TULP4: variants seen among roughly 807,000 people sequenced by gnomAD.
TULP4 encodes tubby-related protein 4.
TULP4 carries 16 observed loss-of-function variants against 129.0 expected under a neutral mutation model. That is an observed-to-expected ratio of 0.12 (90% CI 0.08 to 0.19). TULP4 has a LOEUF of 0.19. TULP4 is among the 10% of genes least tolerant of loss of function. The pLI is 1.00. For missense variants in TULP4, 1,842 were observed against 2,059.1 expected, an observed-to-expected ratio of 0.89 and a Z score of 2.04; for synonymous variants, 998 against 854.0, an observed-to-expected ratio of 1.17 and a Z score of -2.94.
intron 2 of TULP4, among the ~76,000 whole-genome samples, chr6:158,414,560 A>G (rs1778165525): frequency 6.6e-6 from 1 of 152,242 alleles, no homozygotes; most frequent in Admixed American, 6.5e-5. Flanking sequence ...CAGTAGCCAT[A>G]GGTCATCACC....
At chr6:158,416,705 C>T (rs375842041) in intron 2 of TULP4, among the ~76,000 whole-genome samples, 1 of 152,166 alleles carries the variant, frequency 6.6e-6, no homozygotes. Context: ...ATAAAGTCTA[C>T]AGTAGCTACA....
rs75906569 is a variant in TULP4, at chr6:158,257,809, A to T, written n.68+25506A>T. Among the ~76,000 whole-genome samples, 26 of 152,344 alleles carry T rather than the reference A, an allele frequency of 1.7e-4. No homozygotes were observed. In the East Asian group the frequency reaches 4.8e-3, roughly 28 times the overall value. On this transcript the variant is annotated intron_variant and non_coding_transcript_variant, in intron 1 of 1. Transcript: ENST00000620026. ...ATTATACTCTCAAAGCAGCGGTACG[A>T]AATAGAGAACAACTCATTTCCCCTT...
chr6:158,282,035 CT>C (rs1430322418), upstream of TULP4, among the ~76,000 whole-genome samples: 2 of 152,160 alleles, frequency 1.3e-5, no homozygotes, highest in Admixed American at 1.3e-4. Flanking sequence ...AACATTTTTG[CT>C]GTCTTCTTTT....
upstream of TULP4, among the ~76,000 whole-genome samples, chr6:158,308,941 A>T (rs867114893): frequency 2.8e-5 from 1 of 35,864 alleles, no homozygotes; most frequent in African/African-American, 1.1e-4. Context: ...GGGCTGACCC[A>T]CCCACCTCCC....
rs10455823 is a variant in TULP4 at position 158,508,591 on chromosome 6, A to G, written c.*1897A>G. 4,401 of 152,742 alleles carry G rather than the reference A, an allele frequency of 0.029. 102 individuals carry two copies. Among genetic ancestry groups the G allele is most frequent in the Non-Finnish European group, 0.043 (2,949 of 68,026 alleles). The allele number at this position is 152,742 out of a possible 1,614,324, so 9.5% of individuals were successfully genotyped here. ...GAAAGAATTCAGCAATGTTATCAGA[A>G]TTAATTCTTTTATATGAGTTTATGT... On this transcript the variant is annotated 3_prime_UTR_variant, in exon 14 of 14. Transcript: ENST00000367097.
At chr6:158,454,216 T>C (rs1293622268) in intron 5 of TULP4, among the ~76,000 whole-genome samples, 3 of 152,158 alleles carry the variant, frequency 2.0e-5, no homozygotes, top group Non-Finnish European at 4.4e-5. Context: ...AGGAGTTGAG[T>C]ACATATTTTT....
intron 9 of TULP4, among the ~76,000 whole-genome samples, chr6:158,490,411 T>A (rs534833246): frequency 3.9e-5 from 6 of 152,182 alleles, no homozygotes; most frequent in East Asian, 3.9e-4. Flanking sequence ...AAATAAATAA[T>A]AAATAAATGC....
chr6:158,276,535 G>T (rs1778649774), intron 1 of TULP4, among the ~76,000 whole-genome samples: 1 of 151,330 alleles, frequency 6.6e-6, no homozygotes, highest in African/African-American at 2.4e-5. Context: ...TTCTTCTAAA[G>T]CAACAAAAAC....
At chr6:158,378,115 G>A (rs1475493045) in intron 1 of TULP4, among the ~76,000 whole-genome samples, 1 of 152,170 alleles carries the variant, frequency 6.6e-6, no homozygotes, top group African/African-American at 2.4e-5. Context: ...ACACGGTTCT[G>A]AGACAGAAGA....
intron 1 of TULP4, among the ~76,000 whole-genome samples, chr6:158,274,325 C>G (rs912070908): frequency 2.0e-5 from 3 of 152,132 alleles, no homozygotes; most frequent in African/African-American, 7.2e-5. Flanking sequence ...CCCAGCTGCT[C>G]TCTTGTCCCT....
At position 158,332,169 on chromosome 6, in the gene TULP4, CAAAAAAAAAAAAAAA is replaced by C. The variant is rs1169601263; in HGVS notation, c.252+17919_252+17933del. 6.0e-3 allele frequency among the ~76,000 whole-genome samples: 389 copies of C among 65,252 alleles called. 1 individual carries two copies. The highest frequency in any genetic ancestry group is 0.028 in the African/African-American group (323 of 11,420). The allele number at this position is 65,252 out of a possible 152,430, so 42.8% of individuals were successfully genotyped here. On this transcript the variant is annotated intron_variant, in intron 1 of 13. Transcript: ENST00000367097. ...CCTGGTCGACAGAGTAAGACTCTGT[CAAAAAAAAAAAAAAA>C]AAAAAAAAAAAAAAAAATATATATA...
chr6:158,480,960 C>T (rs1392993119), intron 7 of TULP4, 95 bp from the exon 8 acceptor site: 8 of 1,097,904 alleles, frequency 7.3e-6, no homozygotes, highest in South Asian at 3.0e-5. Context: ...GGAACAGTAG[C>T]GTTTTTAGTT....
intron 11 of TULP4, 119 bp downstream of exon 11, chr6:158,494,965 T>C: frequency 2.7e-6 from 2 of 739,696 alleles, no homozygotes; most frequent in Non-Finnish European, 2.2e-6. Context: ...GATTAGCATG[T>C]ATTTTACCTC....
At chr6:158,351,647 G>A (rs1330548268) in intron 1 of TULP4, among the ~76,000 whole-genome samples, 1 of 146,026 alleles carries the variant, frequency 6.8e-6, no homozygotes, top group Non-Finnish European at 1.5e-5. Context: ...TGTCTATATT[G>A]ACAAAGCTGA....
At chr6:158,348,930 TCCTCACCTC>T (rs1780393753) in intron 1 of TULP4, among the ~76,000 whole-genome samples, 1 of 116,994 alleles carries the variant, frequency 8.5e-6, no homozygotes, top group Non-Finnish European at 1.7e-5. Context: ...GCAGAGGCAC[TCCTCACCTC>T]CCAGATGAAG....
At position 158,313,883 on chromosome 6, in the gene TULP4, A is replaced by G. The variant is rs34768693; in HGVS notation, c.-134A>G. The G allele has an allele frequency of 0.13, 124,094 of 923,922 alleles. 9,306 individuals are homozygous for G. Among genetic ancestry groups the G allele is most frequent in the African/African-American group, 0.25 (14,913 of 59,978 alleles). 57.2% of individuals were successfully genotyped at this position (923,922 alleles called of 1,614,324 possible). Reference sequence around the variant, plus strand: ...AAATACTGACCTTCTAATTAGATTCAGGTCAGTCTTAATTAAAGGGGGAAA... The same window carrying G: ...AAATACTGACCTTCTAATTAGATTCGGGTCAGTCTTAATTAAAGGGGGAAA... On this transcript the variant is annotated 5_prime_UTR_variant, in exon 1 of 14. Coordinates refer to ENST00000367097, the MANE Select transcript of TULP4 (RefSeq NM_020245.5).
At position 158,291,028 on chromosome 6, in the gene TULP4, C is replaced by T. The variant is rs1465383448; in HGVS notation, n.116+8650C>T. Among the ~76,000 whole-genome samples, 17 of 152,180 alleles carry T rather than the reference C, an allele frequency of 1.1e-4. 1 individual carries two copies. Among genetic ancestry groups the T allele is most frequent in the Admixed American group, 1.1e-3 (17 of 15,282 alleles). Reference sequence around the variant, plus strand: ...GGCTTTTCAATGAGAAATATAGTACCTATAAAGCATTAAGAGCTATACCTA... The same window carrying T: ...GGCTTTTCAATGAGAAATATAGTACTTATAAAGCATTAAGAGCTATACCTA... On this transcript the variant is annotated intron_variant and non_coding_transcript_variant, in intron 1 of 1. Transcript: ENST00000432358.
At chr6:158,240,912 G>A (rs1777884199) in intron 1 of TULP4, among the ~76,000 whole-genome samples, 1 of 149,066 alleles carries the variant, frequency 6.7e-6, no homozygotes, top group Admixed American at 6.7e-5. Context: ...TTCCCAGATC[G>A]GGTGGCTGCC....
At position 158,248,161 on chromosome 6, in the gene TULP4, G is replaced by T. The variant is rs1583673303; in HGVS notation, n.68+15858G>T. ...GAATGCCATTAAAATGTGATGCCTG[G>T]CCGTGCATGGTGGCTCATGCCTGTA... On this transcript the variant is annotated intron_variant and non_coding_transcript_variant, in intron 1 of 1. Transcript: ENST00000620026. Among the ~76,000 whole-genome samples, 4 of 152,312 alleles carry T rather than the reference G, an allele frequency of 2.6e-5. 1 individual carries two copies. In the South Asian group the frequency reaches 8.3e-4, roughly 32 times the overall value.
Sources: allele counts gnomAD v4.1 joint callset (sites outside exome capture counted in the v4.1 genomes callset), GRCh38; gene constraint gnomAD v4.1.1; transcripts MANE v1.5; gene names NCBI Gene and HGNC (gene_info 2026-07-23, HGNC 2026-07-21).